The following CADPS variants were observed in gnomAD, a reference collection of about 807,000 sequenced individuals.
The protein encoded by CADPS is calcium-dependent secretion activator 1.
Under a neutral mutation model 167.3 loss-of-function variants are expected in CADPS, and 57 were observed. The ratio of observed to expected loss-of-function variants is 0.34; its 90% confidence interval spans 0.28 to 0.42. The LOEUF is 0.42. Ranked by LOEUF, CADPS falls within the 20% of genes least tolerant of loss-of-function variation. CADPS has a pLI of 1.00. For synonymous variants in CADPS, 676 were observed against 635.3 expected, an observed-to-expected ratio of 1.06 and a Z score of -0.96; for missense variants, 1,414 against 1,738.1, an observed-to-expected ratio of 0.81 and a Z score of 3.32.
rs151173527 is a variant in CADPS at position 62,624,386 on chromosome 3, A to G, written c.1325+21336T>C. Among the ~76,000 whole-genome samples, 738 of 152,250 alleles carry G rather than the reference A, an allele frequency of 4.8e-3. 10 individuals carry two copies. Among genetic ancestry groups the G allele is most frequent in the Admixed American group, 0.039 (602 of 15,282 alleles). ...GTTCCAGCTGTTGGTGAGTTGCATC[A>G]GACCATCCATATGTTTCAGAAAAAA... On this transcript the variant is annotated intron_variant, in intron 6 of 29. Transcript: ENST00000383710.
At chr3:62,631,404 T>C (rs772972500) in intron 6 of CADPS, among the ~76,000 whole-genome samples, 42 of 152,336 alleles carry the variant, frequency 2.8e-4, no homozygotes, top group South Asian at 6.2e-4. Flanking sequence ...GGACTTATAC[T>C]GTTACTAGTT....
intron 8 of CADPS, among the ~76,000 whole-genome samples, chr3:62,573,265 A>G (rs1562331923): frequency 6.6e-6 from 1 of 152,118 alleles, no homozygotes; most frequent in Non-Finnish European, 1.5e-5. Context: ...GCTCTACTGT[A>G]TTATTTTTTA....
At chr3:62,424,941 G>A (rs1270696551) in intron 28 of CADPS, among the ~76,000 whole-genome samples, 6 of 152,110 alleles carry the variant, frequency 3.9e-5, no homozygotes, top group Non-Finnish European at 7.4e-5. Context: ...TACATATGCC[G>A]GACACTAGTG....
intron 6 of CADPS, among the ~76,000 whole-genome samples, chr3:62,621,281 G>A (rs1020219774): frequency 6.6e-6 from 1 of 152,064 alleles, no homozygotes; most frequent in Non-Finnish European, 1.5e-5. Context: ...AGCAGAAAGA[G>A]AATGCTGGTC....
chr3:62,724,424 A>G (rs1211761723), intron 3 of CADPS, among the ~76,000 whole-genome samples: 1 of 152,222 alleles, frequency 6.6e-6, no homozygotes, highest in Non-Finnish European at 1.5e-5. Flanking sequence ...TTAAAAACAA[A>G]TGAATCAAGG....
At position 62,753,379 on chromosome 3, in the gene CADPS, A is replaced by G; in HGVS notation, c.888+62T>C. The G allele has an allele frequency of 1.7e-6, 2 of 1,209,684 alleles. No individual in the cohort carries two copies. Among genetic ancestry groups the G allele is most frequent in the Non-Finnish European group, 2.4e-6 (2 of 849,850 alleles). 74.9% of individuals were successfully genotyped at this position (1,209,684 alleles called of 1,614,324 possible). Reference sequence around the variant, plus strand: ...TTTTAAAAAAATCAAGAAGTATCTCATAGAAGTTGGAATGCAGCTCTGCTT... The same window carrying G: ...TTTTAAAAAAATCAAGAAGTATCTCGTAGAAGTTGGAATGCAGCTCTGCTT... On this transcript the variant is annotated intron_variant, in intron 3 of 29. Coordinates refer to ENST00000383710, the MANE Select transcript of CADPS (RefSeq NM_003716.4). This position sits in a 1 kb window ranked among gnomAD's most constrained non-coding sequence, Gnocchi z 4.6.
At chr3:62,814,403 A>G (rs759767882) in intron 1 of CADPS, 4 of 152,200 alleles carry the variant, frequency 2.6e-5, no homozygotes, top group Non-Finnish European at 2.9e-5. Flanking sequence ...CTTGGGCAGC[A>G]CATATACTAA....
chr3:62,618,606 G>A (rs569872526), intron 6 of CADPS, among the ~76,000 whole-genome samples: 1 of 152,248 alleles, frequency 6.6e-6, no homozygotes, highest in African/African-American at 2.4e-5. Flanking sequence ...TTTTTCATTT[G>A]CTTCTTCCCA....
intron 6 of CADPS, among the ~76,000 whole-genome samples, chr3:62,620,654 C>G (rs1324193758): frequency 6.6e-6 from 1 of 152,166 alleles, no homozygotes; most frequent in Admixed American, 6.5e-5. Context: ...AACTAACATT[C>G]AAGCCCAGTT....
At chr3:62,714,021 A>G (rs1028900420) in intron 3 of CADPS, among the ~76,000 whole-genome samples, 8 of 152,170 alleles carry the variant, frequency 5.3e-5, no homozygotes, top group African/African-American at 1.2e-4. Context: ...CTCAGTATTT[A>G]TATAGTATTA....
At chr3:62,542,271 A>T (rs2075807281) in intron 11 of CADPS, among the ~76,000 whole-genome samples, 1 of 152,164 alleles carries the variant, frequency 6.6e-6, no homozygotes, top group African/African-American at 2.4e-5. Flanking sequence ...GCAACTCTAA[A>T]GTCATCTGTG....
chr3:62,434,996 G>A, intron 28 of CADPS, among the ~76,000 whole-genome samples: 1 of 152,050 alleles, frequency 6.6e-6, no homozygotes, highest in East Asian at 1.9e-4. Context: ...ACCAGAGAAT[G>A]ACACAACAGT....
intron 13 of CADPS, among the ~76,000 whole-genome samples, chr3:62,520,377 T>C (rs1185278283): frequency 1.3e-5 from 2 of 152,204 alleles, no homozygotes; most frequent in Non-Finnish European, 2.9e-5. Flanking sequence ...AACAATGGAT[T>C]ATGTTTTTTC....
At chr3:62,777,624 G>C (rs1376286406) in intron 1 of CADPS, among the ~76,000 whole-genome samples, 3 of 152,154 alleles carry the variant, frequency 2.0e-5, no homozygotes, top group Admixed American at 6.5e-5. Flanking sequence ...AATGATGGGG[G>C]AAACTGTTGG....
chr3:62,853,729 G>C (rs1294137780), intron 1 of CADPS, among the ~76,000 whole-genome samples: 1 of 152,094 alleles, frequency 6.6e-6, no homozygotes, highest in Non-Finnish European at 1.5e-5. Context: ...GGGAGCCTGA[G>C]GCAGGCAGAT....
chr3:62,712,093 A>G (rs1387263161), intron 3 of CADPS, among the ~76,000 whole-genome samples: 1 of 152,188 alleles, frequency 6.6e-6, no homozygotes, highest in Non-Finnish European at 1.5e-5. Context: ...TTGTATGAAA[A>G]TTTTAAACAA....
chr3:62,731,110 T>C (rs76456442), intron 3 of CADPS, among the ~76,000 whole-genome samples: 3,568 of 152,288 alleles, frequency 0.023, 135 homozygotes, highest in African/African-American at 0.082. Flanking sequence ...TTAAATACAG[T>C]GCATAGAGGA....
chr3:62,761,603 C>G (rs1351292859), intron 2 of CADPS, among the ~76,000 whole-genome samples: 1 of 151,866 alleles, frequency 6.6e-6, no homozygotes, highest in African/African-American at 2.4e-5. Context: ...TTTTATCCAC[C>G]TATTTTCTCT....
chr3:62,674,268 G>T (rs192781975), intron 3 of CADPS, among the ~76,000 whole-genome samples: 4 of 152,176 alleles, frequency 2.6e-5, no homozygotes, highest in African/African-American at 7.2e-5. Flanking sequence ...CCTTTCCAGG[G>T]TACTTGAGAA....
Sources: allele counts gnomAD v4.1 joint callset (sites outside exome capture counted in the v4.1 genomes callset), GRCh38; gene constraint gnomAD v4.1.1; non-coding constraint Gnocchi (gnomAD v3.1); transcripts MANE v1.5; gene names NCBI Gene and HGNC (gene_info 2026-07-23, HGNC 2026-07-21).